The following ST3GAL2 variants were observed in gnomAD, a reference collection of about 807,000 sequenced individuals.
The protein encoded by ST3GAL2 is ST3 beta-galactoside alpha-2,3-sialyltransferase 2.
Under a neutral mutation model 37.5 loss-of-function variants are expected in ST3GAL2, and 16 were observed. The observed-to-expected ratio is 0.43, with a 90% CI of 0.29 to 0.65. ST3GAL2 has a LOEUF of 0.65. ST3GAL2 is among the 30% of genes least tolerant of loss of function. The pLI, the probability that ST3GAL2 is intolerant of heterozygous loss-of-function variation, is 0.17. For synonymous variants in ST3GAL2, 238 were observed against 202.9 expected (o/e 1.17, Z -1.47); for missense variants, 383 against 487.8 (o/e 0.79, Z 2.02).
chr16:70,427,365 A>ATC (rs2047758699), intron 1 of ST3GAL2, among the ~76,000 whole-genome samples: 1 of 141,328 alleles, frequency 7.1e-6, no homozygotes, highest in Non-Finnish European at 1.5e-5. Context: ...TTGAGACTGA[A>ATC]TCTCACTCTG....
chr16:70,424,271 A>C (rs1215671583), intron 1 of ST3GAL2, among the ~76,000 whole-genome samples: 1 of 143,374 alleles, frequency 7.0e-6, no homozygotes, highest in Non-Finnish European at 1.5e-5. Flanking sequence ...CTGGGATTAC[A>C]GGTGTGAGCC....
intron 1 of ST3GAL2, among the ~76,000 whole-genome samples, chr16:70,429,434 A>G (rs2047773195): frequency 6.6e-6 from 1 of 151,980 alleles, no homozygotes; most frequent in Non-Finnish European, 1.5e-5. Flanking sequence ...TCTACTAAAA[A>G]TACAAAAAAT....
At chr16:70,391,449 C>A (rs1222928677) in intron 3 of ST3GAL2, among the ~76,000 whole-genome samples, 1 of 152,192 alleles carries the variant, frequency 6.6e-6, no homozygotes, top group South Asian at 2.1e-4. Flanking sequence ...GTTTAGAGAT[C>A]CTGTCTCCTA....
intron 1 of ST3GAL2, among the ~76,000 whole-genome samples, chr16:70,411,404 GC>G (rs1206078426): frequency 2.6e-5 from 4 of 151,692 alleles, no homozygotes; most frequent in Admixed American, 6.6e-5. Flanking sequence ...AAAAGCAGCA[GC>G]AGCACATGAA....
intron 1 of ST3GAL2, among the ~76,000 whole-genome samples, chr16:70,423,658 A>G (rs1278889231): frequency 1.3e-5 from 2 of 151,362 alleles, no homozygotes; most frequent in Non-Finnish European, 2.9e-5. Flanking sequence ...TGATCTGTAA[A>G]TGGAATGACT....
Position 70,398,334 on chromosome 16 carries a change from G to A in ST3GAL2, c.197C>T (p.Ser66Leu), listed in dbSNP as rs557779742. 18 of 1,613,474 alleles carry A rather than the reference G, an allele frequency of 1.1e-5. No individual in the cohort carries two copies. Among genetic ancestry groups the A allele is most frequent in the South Asian group, 3.3e-5 (3 of 91,088 alleles). Residue 66 changes from serine (S) to leucine (L), a missense_variant, in exon 2 of 7, where the codon TCG becomes TTG. Physicochemically the swap from Ser to Leu is moderately radical, Grantham distance 145. Around this residue, in one of 2 missense-constraint regions of ST3GAL2, gnomAD observed 223 missense variants for 239.1 expected, o/e 0.93. Coordinates refer to ENST00000342907, the MANE Select transcript of ST3GAL2 (RefSeq NM_006927.4). The stretch of plus-strand genomic sequence containing the variant: ...GCGGCGACAGGCACAGCTCTTGCCC[G>A]AGAGCCTCTCCTTGCTGAGGCGCTG... ...GLQRLSKERL[S>L]GKSCACRRCM...
At chr16:70,382,781 C>A in intron 6 of ST3GAL2, 24 bp downstream of exon 6, 1 of 1,613,594 alleles carries the variant, frequency 6.2e-7, no homozygotes, top group Non-Finnish European at 8.5e-7. Flanking sequence ...GGGTTCCCAC[C>A]ACCCACACCA....
At chr16:70,395,463 T>C (rs1016140288) in intron 2 of ST3GAL2, among the ~76,000 whole-genome samples, 1 of 152,154 alleles carries the variant, frequency 6.6e-6, no homozygotes, top group African/African-American at 2.4e-5. Context: ...GGGATCAAGG[T>C]GCCTTTCACA....
intron 4 of ST3GAL2, among the ~76,000 whole-genome samples, chr16:70,384,876 G>C (rs547948698): frequency 2.0e-5 from 3 of 152,020 alleles, no homozygotes; most frequent in African/African-American, 7.2e-5. Context: ...GGGTATGGTG[G>C]CCCATGCCTG....
intron 1 of ST3GAL2, among the ~76,000 whole-genome samples, chr16:70,416,836 C>T (rs34109485): frequency 0.02 from 3,000 of 152,050 alleles, 50 homozygotes; most frequent in Non-Finnish European, 0.031. Flanking sequence ...GCCTGGACGA[C>T]GGCAGGGACA....
intron 4 of ST3GAL2, among the ~76,000 whole-genome samples, chr16:70,385,034 G>A (rs938519507): frequency 6.6e-6 from 1 of 151,942 alleles, no homozygotes. Flanking sequence ...GGCCGGGTGC[G>A]GTGGCTCCTG....
intron 1 of ST3GAL2, among the ~76,000 whole-genome samples, chr16:70,417,177 G>C (rs1399329299): frequency 6.6e-6 from 1 of 152,204 alleles, no homozygotes; most frequent in African/African-American, 2.4e-5. Context: ...CTACCTCCAT[G>C]GCTATGGTCA....
In ST3GAL2 at chr16:70,412,920, C is replaced by G. The variant is rs557494040; in HGVS notation, c.-1003-13387G>C. Among the ~76,000 whole-genome samples the G allele has an allele frequency of 2.6e-5, 4 of 151,974 alleles. No homozygotes were observed. In the South Asian group the frequency reaches 8.3e-4, roughly 32 times the overall value. On this transcript the variant is annotated intron_variant, in intron 1 of 6. Transcript: ENST00000342907. Reference sequence around the variant, plus strand: ...AAAAAATTAAGCGTGGTAGCGCATGCCTGTGGTCCCAGAAAGTCAAGACGC... The same window carrying G: ...AAAAAATTAAGCGTGGTAGCGCATGGCTGTGGTCCCAGAAAGTCAAGACGC...
chr16:70,395,392 A>G (rs906854872), intron 2 of ST3GAL2, among the ~76,000 whole-genome samples: 2 of 152,204 alleles, frequency 1.3e-5, no homozygotes, highest in Non-Finnish European at 2.9e-5. Flanking sequence ...GTGAGTCTCA[A>G]TGTCCAGAGA....
At chr16:70,396,637 C>CA (rs1389729372) in intron 2 of ST3GAL2, among the ~76,000 whole-genome samples, 38 of 152,320 alleles carry the variant, frequency 2.5e-4, no homozygotes, top group East Asian at 1.9e-4. Context: ...CTAGTGGCCC[C>CA]AGCTCTGCAG....
intron 1 of ST3GAL2, among the ~76,000 whole-genome samples, chr16:70,412,451 C>A (rs548327175): frequency 2.0e-5 from 3 of 151,924 alleles, no homozygotes; most frequent in Non-Finnish European, 2.9e-5. Context: ...TGAGACCAAC[C>A]TGGGCAACAC....
intron 4 of ST3GAL2, among the ~76,000 whole-genome samples, chr16:70,384,575 C>T (rs2047429059): frequency 6.6e-6 from 1 of 152,008 alleles, no homozygotes; most frequent in African/African-American, 2.4e-5. Flanking sequence ...TGTGGTGGCA[C>T]ACGCCTGTAG....
At chr16:70,423,436 G>C (rs1284460453) in intron 1 of ST3GAL2, among the ~76,000 whole-genome samples, 1 of 152,084 alleles carries the variant, frequency 6.6e-6, no homozygotes, top group African/African-American at 2.4e-5. Context: ...CTTGAACCTG[G>C]GAGGCGGAGG....
chr16:70,438,222 T>C (rs1471939568), intron 1 of ST3GAL2, among the ~76,000 whole-genome samples: 1 of 152,216 alleles, frequency 6.6e-6, no homozygotes, highest in East Asian at 1.9e-4. Context: ...GAGACTCAAG[T>C]GAGCTCAGCC....
Sources: allele counts gnomAD v4.1 joint callset (sites outside exome capture counted in the v4.1 genomes callset), GRCh38; gene constraint gnomAD v4.1.1; regional missense constraint gnomAD v4.1.1; transcripts MANE v1.5; gene names NCBI Gene and HGNC (gene_info 2026-07-23, HGNC 2026-07-21).